MAST4: variants seen among roughly 807,000 people sequenced by gnomAD.
MAST4 encodes microtubule-associated serine/threonine-protein kinase 4.
MAST4 carries 89 observed loss-of-function variants against 162.7 expected under a neutral mutation model. The observed-to-expected ratio is 0.55, with a 90% confidence interval of 0.46 to 0.65. MAST4 has a LOEUF of 0.65. Among genes scored for constraint, MAST4 ranks in the 30% least tolerant of loss-of-function variants. The pLI, the probability that MAST4 is intolerant of heterozygous loss-of-function variation, is 0.00. For synonymous variants in MAST4, 1,479 were observed against 1,361.1 expected (o/e 1.09, Z -1.91); for missense variants, 3,153 against 3,374.0 (o/e 0.93, Z 1.62).
chr5:66,764,080 G>C (rs1475431818), intron 2 of MAST4, among the ~76,000 whole-genome samples: 1 of 152,200 alleles, frequency 6.6e-6, no homozygotes, highest in Non-Finnish European at 1.5e-5. Flanking sequence ...GTCAGCAACA[G>C]TAATGTTGCA....
At position 67,104,430 on chromosome 5, in the gene MAST4, T is replaced by C. The variant is rs780788894; in HGVS notation, c.1211T>C (p.Leu404Pro). The change falls in exon 10 of 29, where the codon CTA (leucine) becomes CCA (proline). Residue 404 changes from leucine to proline, a missense_variant. Physicochemically the swap from Leu to Pro is moderately conservative, Grantham distance 98. Around this residue, in one of 7 missense-constraint regions of MAST4, gnomAD observed 360 missense variants for 450.0 expected, o/e 0.80. Transcript: ENST00000403625. ...IITSYSPDNV[L>P]PLADGVLSFT... ...ACCAGCTACTCTCCTGACAACGTTC[T>C]ACCCTTAGCAGATGGAGTGCTTAGT... 1.2e-6 allele frequency: 2 copies of C among 1,613,970 alleles called. No individual in the cohort carries two copies. The highest frequency in any genetic ancestry group is 2.2e-5 in the South Asian group (2 of 91,082).
chr5:67,146,926 C>G (rs1047321418), intron 23 of MAST4, among the ~76,000 whole-genome samples: 1 of 152,116 alleles, frequency 6.6e-6, no homozygotes, highest in African/African-American at 2.4e-5. Flanking sequence ...AGGCCTTTAT[C>G]TGGTTCTTAG....
chr5:66,946,789 A>G (rs764326623), intron 4 of MAST4, among the ~76,000 whole-genome samples: 1 of 152,194 alleles, frequency 6.6e-6, no homozygotes, highest in Non-Finnish European at 1.5e-5. Context: ...CTCACATGTA[A>G]TATGTGGAGT....
intron 4 of MAST4, among the ~76,000 whole-genome samples, chr5:66,920,189 C>T (rs1188726729): frequency 1.3e-5 from 2 of 152,104 alleles, no homozygotes; most frequent in Non-Finnish European, 2.9e-5. Flanking sequence ...ACAAATGATA[C>T]AAACTATGCT....
intron 23 of MAST4, 54 bp downstream of exon 23, chr5:67,145,433 T>G: frequency 7.7e-5 from 115 of 1,496,902 alleles, no homozygotes; most frequent in Non-Finnish European, 1.0e-4. Context: ...AAGTGTCTCC[T>G]AGTGCTCAGT....
At chr5:66,805,136 C>A (rs900517023) in intron 3 of MAST4, among the ~76,000 whole-genome samples, 2 of 152,136 alleles carry the variant, frequency 1.3e-5, no homozygotes, top group African/African-American at 4.8e-5. Flanking sequence ...TAGTGTTTAA[C>A]CTGTTTGGAA....
intron 8 of MAST4, among the ~76,000 whole-genome samples, chr5:67,102,013 A>T (rs569773588): frequency 6.7e-5 from 10 of 149,904 alleles, no homozygotes; most frequent in African/African-American, 2.0e-4. Context: ...AGCATCCTAG[A>T]TAAATATTTG....
chr5:67,104,672 A>C, intron 10 of MAST4, 97 bp downstream of exon 10: 1 of 846,792 alleles, frequency 1.2e-6, no homozygotes, highest in Non-Finnish European at 1.8e-6. Context: ...AATGGAGTTC[A>C]CATTCCAGAG....
chr5:66,894,728 C>T (rs376886099), intron 3 of MAST4, among the ~76,000 whole-genome samples: 15 of 152,312 alleles, frequency 9.8e-5, no homozygotes, highest in African/African-American at 3.4e-4. Context: ...GACATTGCCA[C>T]TCTGTTTCTA....
intron 3 of MAST4, among the ~76,000 whole-genome samples, chr5:66,848,436 C>T (rs1346034364): frequency 1.3e-5 from 2 of 151,962 alleles, no homozygotes; most frequent in Non-Finnish European, 1.5e-5. Context: ...CTCTTAAAAG[C>T]AGGCAGGTTG....
chr5:66,645,723 A>T (rs1365671187), intron 1 of MAST4, among the ~76,000 whole-genome samples: 1 of 152,236 alleles, frequency 6.6e-6, no homozygotes, highest in Admixed American at 6.5e-5. Context: ...TTATTAAAAA[A>T]GTAAAGGTAA....
intron 1 of MAST4, among the ~76,000 whole-genome samples, chr5:66,609,282 G>A (rs942067918): frequency 2.8e-4 from 43 of 152,014 alleles, no homozygotes; most frequent in African/African-American, 9.9e-4. Flanking sequence ...GGGCAGCCAG[G>A]GCTTTCCTGT....
intron 10 of MAST4, among the ~76,000 whole-genome samples, chr5:67,107,760 G>C (rs1206339619): frequency 6.6e-6 from 1 of 152,170 alleles, no homozygotes; most frequent in Non-Finnish European, 1.5e-5. Flanking sequence ...AAGTCCTGAG[G>C]CCTAAGACAA....
In MAST4 at chr5:66,907,263, C is replaced by G. The variant is rs1051096733; in HGVS notation, c.674+7281C>G. Among the ~76,000 whole-genome samples, 7 of 148,616 alleles carry G rather than the reference C, an allele frequency of 4.7e-5. No homozygotes were observed. The South Asian group carries it at 6.3e-4, about 13-fold the overall frequency. Reference sequence around the variant, plus strand: ...AGAATCCCAGGTCACCACACAGGAACAGAAGAGGCCAGGCTTCTCCCCATT... The same window carrying G: ...AGAATCCCAGGTCACCACACAGGAAGAGAAGAGGCCAGGCTTCTCCCCATT... On this transcript the variant is annotated intron_variant, in intron 4 of 28. Coordinates refer to ENST00000403625, the MANE Select transcript of MAST4 (RefSeq NM_001164664.2).
chr5:66,767,932 G>T (rs1257105797), intron 2 of MAST4, among the ~76,000 whole-genome samples: 1 of 152,114 alleles, frequency 6.6e-6, no homozygotes, highest in Non-Finnish European at 1.5e-5. Context: ...TGACTCAAAT[G>T]TTAATCTCCT....
In MAST4 at chr5:67,164,538, G is replaced by A; in HGVS notation, c.5359G>A (p.Glu1787Lys). 6.2e-7 allele frequency: 1 copy of A among 1,613,944 alleles called. No homozygotes were observed. Among genetic ancestry groups the A allele is most frequent in the Non-Finnish European group, 8.5e-7 (1 of 1,179,886 alleles). ...GTCCCCTGTTAGGAAGAGCCCCTCC[G>A]AGTATAAGCTGGAAGGTAGGTCTGT... ...PESPVRKSPS[E>K]YKLEGRSVSC... The change falls in exon 29 of 29, where the codon GAG (glutamate) becomes AAG (lysine). Residue 1787 changes from glutamate to lysine, a missense_variant. By Grantham distance (56) the Glu-to-Lys change is moderately conservative (BLOSUM62 1). Coordinates refer to ENST00000403625, the MANE Select transcript of MAST4 (RefSeq NM_001164664.2). The surrounding 1 kb of genome is among the most constrained non-coding windows in gnomAD (Gnocchi z 5.3).
chr5:67,153,065 C>T (rs1433903283), intron 25 of MAST4, among the ~76,000 whole-genome samples, 199 bp downstream of exon 25: 1 of 152,188 alleles, frequency 6.6e-6, no homozygotes, highest in Non-Finnish European at 1.5e-5. Flanking sequence ...TAATTCTGTC[C>T]AGTTTTCATA....
At chr5:67,066,064 G>C (rs1476420938) in intron 5 of MAST4, among the ~76,000 whole-genome samples, 2 of 152,038 alleles carry the variant, frequency 1.3e-5, no homozygotes, top group Non-Finnish European at 2.9e-5. Context: ...AAATTTAGAA[G>C]TGTATAAATA....
rs547857363 is a variant in MAST4, at chr5:66,723,607, A to C, written c.364-36102A>C. ...TGAGAAGAATTTGATTTATTAATGG[A>C]AAGTGCCTGTTCCCTTATGAAAAAT... On this transcript the variant is annotated intron_variant, in intron 1 of 28. Transcript: ENST00000403625. Among the ~76,000 whole-genome samples the C allele has an allele frequency of 5.3e-5, 8 of 152,282 alleles. No homozygotes were observed. In the South Asian group the frequency reaches 1.0e-3, roughly 20 times the overall value.
Sources: gnomAD v4.1 joint callset for allele counts (sites outside exome capture counted in the v4.1 genomes callset) on GRCh38, gnomAD v4.1.1 for gene constraint, gnomAD v4.1.1 regional missense constraint, Gnocchi (gnomAD v3.1) non-coding constraint, MANE v1.5 for transcripts, NCBI Gene and HGNC (gene_info 2026-07-23, HGNC 2026-07-21) for gene names.